Variants in DDX19B observed in about 807,000 individuals in gnomAD.
The protein encoded by DDX19B is ATP-dependent RNA helicase DDX19B.
In DDX19B, 27 loss-of-function variants were observed where a neutral mutation model predicts 58.1. The observed-to-expected ratio is 0.46, with a 90% CI of 0.34 to 0.64. DDX19B has a LOEUF of 0.64. Among genes scored for constraint, DDX19B ranks in the 30% least tolerant of loss-of-function variants. DDX19B has a pLI of 0.01. For synonymous variants in DDX19B, 187 were observed against 214.4 expected (o/e 0.87, Z 1.12); for missense variants, 399 against 596.5 (o/e 0.67, Z 3.45).
chr16:70,299,599 A>G (rs985737928), intron 1 of DDX19B, among the ~76,000 whole-genome samples: 13 of 152,076 alleles, frequency 8.5e-5, no homozygotes, highest in African/African-American at 3.1e-4. Flanking sequence ...AGGAAGAATC[A>G]TAGATTGCAC....
chr16:70,293,597 ATTTTT>A (rs71151182), upstream of DDX19B, among the ~76,000 whole-genome samples: 281 of 77,018 alleles, frequency 3.6e-3, 1 homozygote, highest in African/African-American at 0.016. Flanking sequence ...GGATGGCTGA[ATTTTT>A]TTTTTTTTTT....
At chr16:70,291,672 G>C (rs1177645375), upstream of DDX19B, among the ~76,000 whole-genome samples, 1 of 152,046 alleles carries the variant, frequency 6.6e-6, no homozygotes, top group Non-Finnish European at 1.5e-5. Flanking sequence ...GTAGCCGGGC[G>C]TGGTGGCGGG....
At chr16:70,328,344 G>C (rs1963290448) in intron 7 of DDX19B, among the ~76,000 whole-genome samples, 1 of 151,602 alleles carries the variant, frequency 6.6e-6, no homozygotes, top group Non-Finnish European at 1.5e-5. Flanking sequence ...GAATTAGAAG[G>C]GTAGAGAATT....
At chr16:70,306,315 C>A (rs945603859) in intron 1 of DDX19B, among the ~76,000 whole-genome samples, 1 of 152,042 alleles carries the variant, frequency 6.6e-6, no homozygotes, top group South Asian at 2.1e-4. Flanking sequence ...CCACACCTGG[C>A]AAATTTTTGT....
chr16:70,299,258 C>A lies in DDX19B; in HGVS notation c.-40C>A. On this transcript the variant is annotated 5_prime_UTR_variant, in exon 1 of 12. Transcript: ENST00000288071. Reference sequence around the variant, plus strand: ...GCCCACGATCCCTCGTGCCATCCCTCGAATCCACCAGCACGAGCGTCCCAC... The same window carrying A: ...GCCCACGATCCCTCGTGCCATCCCTAGAATCCACCAGCACGAGCGTCCCAC... 6.5e-7 allele frequency: 1 copy of A among 1,529,662 alleles called. No homozygotes were observed. Among genetic ancestry groups the A allele is most frequent in the South Asian group, 1.2e-5 (1 of 80,320 alleles). The allele number at this position is 1,529,662 out of a possible 1,614,324, so 94.8% of individuals were successfully genotyped here.
chr16:70,310,783 C>G (rs1319699296), intron 1 of DDX19B, among the ~76,000 whole-genome samples: 1 of 152,098 alleles, frequency 6.6e-6, no homozygotes, highest in Non-Finnish European at 1.5e-5. Context: ...GTAATCCCAG[C>G]ACTTTGGGAG....
At chr16:70,308,564 T>A (rs1158774951) in intron 1 of DDX19B, among the ~76,000 whole-genome samples, 1 of 151,536 alleles carries the variant, frequency 6.6e-6, no homozygotes, top group Non-Finnish European at 1.5e-5. Flanking sequence ...GGAGATGGGG[T>A]CTCACTATGT....
At chr16:70,299,066 G>C, upstream of DDX19B, 1 of 1,131,054 alleles carries the variant, frequency 8.8e-7, no homozygotes, top group Non-Finnish European at 1.1e-6. Context: ...AGGAAAGCTT[G>C]CTCTGCCCGG....
upstream of DDX19B, among the ~76,000 whole-genome samples, chr16:70,298,676 C>T (rs1961322846): frequency 6.6e-6 from 1 of 151,840 alleles, no homozygotes; most frequent in African/African-American, 2.4e-5. Flanking sequence ...TTAACATTCT[C>T]CTGATTCTAC....
In DDX19B at chr16:70,317,589, G is replaced by T; in HGVS notation, c.389+1G>T. The T allele has an allele frequency of 6.2e-7, 1 of 1,604,620 alleles. No homozygotes were observed. Among genetic ancestry groups the T allele is most frequent in the Non-Finnish European group, 8.5e-7 (1 of 1,175,002 alleles). Reference sequence around the variant, plus strand: ...CATTGCCACTGATGCTTGCTGAGCCGTATGTGTCCTATTACAACTCCATTT... The same window carrying T: ...CATTGCCACTGATGCTTGCTGAGCCTTATGTGTCCTATTACAACTCCATTT... On this transcript the variant is annotated splice_donor_variant, in intron 5 of 11. Transcript: ENST00000288071. LOFTEE classifies it high-confidence loss of function.
chr16:70,298,814 A>G (rs1395477393), upstream of DDX19B, among the ~76,000 whole-genome samples: 2 of 152,208 alleles, frequency 1.3e-5, no homozygotes, highest in Non-Finnish European at 2.9e-5. Context: ...ATGGGTTGTC[A>G]GGGCTGATTG....
intron 5 of DDX19B, among the ~76,000 whole-genome samples, chr16:70,322,978 C>T (rs1324266233): frequency 1.3e-5 from 2 of 151,924 alleles, no homozygotes; most frequent in Non-Finnish European, 2.9e-5. Flanking sequence ...CGGGGGCCCT[C>T]CCCATGGTTT....
Position 70,334,492 on chromosome 16 carries a change from G to C in DDX19B, c.*910G>C, listed in dbSNP as rs1199230211. The stretch of plus-strand genomic sequence containing the variant: ...AAAATTGTGGTTTCAAGTCTTCATG[G>C]CCAGCCTCAAGGCAGTTCTAGATGT... On this transcript the variant is annotated 3_prime_UTR_variant, in exon 12 of 12. Transcript: ENST00000288071. 2 of 152,118 alleles carry C rather than the reference G, an allele frequency of 1.3e-5. No homozygotes were observed. The highest frequency in any genetic ancestry group is 4.8e-5 in the African/African-American group (2 of 41,414). The allele number at this position is 152,118 out of a possible 1,614,324, so 9.4% of individuals were successfully genotyped here. A position where few individuals can be genotyped will look rare whatever the true frequency, so the allele number is the denominator to read the frequency against.
At chr16:70,314,806 C>G (rs540107451) in intron 2 of DDX19B, 96 bp from the exon 3 acceptor site, 10 of 1,342,058 alleles carry the variant, frequency 7.5e-6, no homozygotes, top group Non-Finnish European at 1.1e-5. Context: ...GCTCCCCAGG[C>G]CTTTACAAAA....
chr16:70,330,257 G>A (rs1345224337), intron 9 of DDX19B, among the ~76,000 whole-genome samples, 189 bp downstream of exon 9: 1 of 152,168 alleles, frequency 6.6e-6, no homozygotes, highest in Non-Finnish European at 1.5e-5. Context: ...AAAACCCCAA[G>A]TAACAGCCAA....
rs896966298 is a variant in DDX19B at position 70,312,512 on chromosome 16, A to G, written c.58-97A>G. 33 of 1,088,550 alleles carry G rather than the reference A, an allele frequency of 3.0e-5. No homozygotes were observed. In the African/African-American group the frequency reaches 3.2e-4, roughly 10 times the overall value. The allele number at this position is 1,088,550 out of a possible 1,614,324, so 67.4% of individuals were successfully genotyped here. A position where few individuals can be genotyped will look rare whatever the true frequency, so the allele number is the denominator to read the frequency against. ...TAATGAATATACCTTGAGAATGGCTATTTTATCCCCAGCTTCATTAGGGAG... is the reference window on the plus strand; with the variant it reads ...TAATGAATATACCTTGAGAATGGCTGTTTTATCCCCAGCTTCATTAGGGAG... On this transcript the variant is annotated intron_variant, in intron 1 of 11. Transcript: ENST00000288071.
intron 7 of DDX19B, among the ~76,000 whole-genome samples, chr16:70,327,524 C>G (rs1963234004): frequency 6.6e-6 from 1 of 151,594 alleles, no homozygotes; most frequent in South Asian, 2.1e-4. Context: ...TAGAGCAAGA[C>G]TCTGTCTCAA....
At position 70,328,587 on chromosome 16, in the gene DDX19B, T is replaced by G. The variant is rs567019486; in HGVS notation, c.608-705T>G. Among the ~76,000 whole-genome samples the G allele has an allele frequency of 5.9e-5, 9 of 151,984 alleles. No individual in the cohort carries two copies. The East Asian group carries it at 1.4e-3, about 23-fold the overall frequency. On this transcript the variant is annotated intron_variant, in intron 7 of 11. Transcript: ENST00000288071. ...CATGTTGGCCAGGCTGGTCTCGAAC[T>G]CCTGACCTCAGGTGATCCGCCTGCC...
upstream of DDX19B, among the ~76,000 whole-genome samples, chr16:70,298,768 C>G (rs1961326246): frequency 6.6e-6 from 1 of 152,148 alleles, no homozygotes; most frequent in Non-Finnish European, 1.5e-5. Flanking sequence ...ACATGCCTAA[C>G]AAGATTGCAT....
Sources: allele counts gnomAD v4.1 joint callset (sites outside exome capture counted in the v4.1 genomes callset), GRCh38; gene constraint gnomAD v4.1.1; transcripts MANE v1.5; gene names NCBI Gene and HGNC (gene_info 2026-07-23, HGNC 2026-07-21).